The following NLGN1 variants were observed in gnomAD, a reference collection of about 807,000 sequenced individuals.
NLGN1 encodes neuroligin 1, also known as neuroligin-1.
NLGN1 carries 12 observed loss-of-function variants against 65.5 expected under a neutral mutation model. The observed-to-expected ratio is 0.18, with a 90% CI of 0.12 to 0.30. NLGN1 has a LOEUF of 0.30. Ranked by LOEUF, NLGN1 falls within the 10% of genes least tolerant of loss-of-function variation. The pLI, the probability that NLGN1 is intolerant of heterozygous loss-of-function variation, is 1.00. For missense variants in NLGN1, 750 were observed against 1,007.1 expected (o/e 0.74, Z 3.46); for synonymous variants, 350 against 359.5 (o/e 0.97, Z 0.30).
intron 4 of NLGN1, among the ~76,000 whole-genome samples, chr3:174,236,205 T>A (rs1741673208): frequency 1.3e-5 from 2 of 152,138 alleles, no homozygotes; most frequent in Admixed American, 1.3e-4. Context: ...AAGAACTGTG[T>A]TCTCTATAGG....
Position 173,715,012 on chromosome 3 carries a change from C to T in NLGN1, c.494-92668C>T, listed in dbSNP as rs140976080. ...GAGCAGATGGAAGGAGGCAAAGTTT[C>T]CAGGAAGGCAACCGCTTTGGAGGTA... On this transcript the variant is annotated intron_variant, in intron 3 of 6. Transcript: ENST00000457714. Among the ~76,000 whole-genome samples, 517 of 152,128 alleles carry T rather than the reference C, an allele frequency of 3.4e-3. 1 individual carries two copies. The highest frequency in any genetic ancestry group is 6.8e-3 in the Middle Eastern group (2 of 294).
At chr3:173,850,573 C>G (rs1333703171) in intron 4 of NLGN1, among the ~76,000 whole-genome samples, 1 of 152,122 alleles carries the variant, frequency 6.6e-6, no homozygotes, top group Admixed American at 6.6e-5. Flanking sequence ...GAGAGACATT[C>G]ATTCCAAGTG....
At chr3:173,994,465 C>CAAAAAAAA (rs1170577220) in intron 4 of NLGN1, among the ~76,000 whole-genome samples, 16 of 32,902 alleles carry the variant, frequency 4.9e-4, no homozygotes, top group Non-Finnish European at 6.0e-4. Context: ...TTGAGAAAAG[C>CAAAAAAAA]AAAAAAAAAA....
chr3:174,265,246 A>G (rs1412318415), intron 4 of NLGN1, among the ~76,000 whole-genome samples: 1 of 151,658 alleles, frequency 6.6e-6, no homozygotes, highest in Non-Finnish European at 1.5e-5. Context: ...TACCTAAGCA[A>G]GCCTGGGCAA....
At chr3:174,172,808 G>A (rs1263756938) in intron 4 of NLGN1, among the ~76,000 whole-genome samples, 1 of 151,942 alleles carries the variant, frequency 6.6e-6, no homozygotes, top group Non-Finnish European at 1.5e-5. Flanking sequence ...TGGGTCTTTT[G>A]AGACTCCATA....
At chr3:173,936,954 A>G (rs928520880) in intron 4 of NLGN1, among the ~76,000 whole-genome samples, 5 of 152,132 alleles carry the variant, frequency 3.3e-5, no homozygotes, top group African/African-American at 7.2e-5. Flanking sequence ...TAACTAAAGT[A>G]GCATGTAAAA....
At position 173,666,635 on chromosome 3, in the gene NLGN1, T is replaced by C. The variant is rs1761737597; in HGVS notation, c.493+61544T>C. 2.6e-5 allele frequency among the ~76,000 whole-genome samples: 4 copies of C among 152,296 alleles called. No individual in the cohort carries two copies. In the South Asian group the frequency reaches 8.3e-4, roughly 32 times the overall value. ...GGACTCTCTTGGTGATGCTCCTTCT[T>C]TGAAGATGATCCCAGTTATTTTTGG... is the stretch of plus-strand genomic sequence containing the variant. On this transcript the variant is annotated intron_variant, in intron 3 of 6. Transcript: ENST00000457714.
intron 4 of NLGN1, among the ~76,000 whole-genome samples, chr3:173,825,434 A>AT (rs1162222926): frequency 2.6e-5 from 4 of 152,020 alleles, no homozygotes; most frequent in African/African-American, 7.2e-5. Flanking sequence ...ATTGATTTTG[A>AT]TTTTTATATC....
intron 3 of NLGN1, among the ~76,000 whole-genome samples, chr3:173,675,887 T>TCTCTCA (rs756157881): frequency 1.5e-3 from 209 of 138,632 alleles, no homozygotes; most frequent in Non-Finnish European, 2.2e-3. Flanking sequence ...TCTCTCTCTC[T>TCTCTCA]CACACACACA....
intron 4 of NLGN1, among the ~76,000 whole-genome samples, chr3:173,978,986 C>T (rs1718170447): frequency 6.6e-6 from 1 of 150,802 alleles, no homozygotes; most frequent in Admixed American, 6.6e-5. Context: ...GCCTGGATGA[C>T]AGAGTAAGAT....
At chr3:173,924,299 GACCT>G (rs1742604820) in intron 4 of NLGN1, among the ~76,000 whole-genome samples, 1 of 151,862 alleles carries the variant, frequency 6.6e-6, no homozygotes, top group Non-Finnish European at 1.5e-5. Flanking sequence ...AAAATTTTAA[GACCT>G]GATAAAGGTC....
chr3:173,624,996 A>G (rs551216630), intron 3 of NLGN1, among the ~76,000 whole-genome samples: 1 of 152,214 alleles, frequency 6.6e-6, no homozygotes, highest in South Asian at 2.1e-4. Flanking sequence ...GGTCAGACAG[A>G]TGTGGAGAAT....
At chr3:173,835,641 C>T (rs1723502040) in intron 4 of NLGN1, among the ~76,000 whole-genome samples, 2 of 150,358 alleles carry the variant, frequency 1.3e-5, no homozygotes, top group South Asian at 4.2e-4. Context: ...TTGTTTATCT[C>T]CAAGAAGATT....
chr3:173,683,634 G>A (rs930031341), intron 3 of NLGN1, among the ~76,000 whole-genome samples: 4 of 152,206 alleles, frequency 2.6e-5, no homozygotes, highest in Non-Finnish European at 5.9e-5. Flanking sequence ...AGCATTTACT[G>A]TGAGAAAATT....
intron 4 of NLGN1, among the ~76,000 whole-genome samples, chr3:173,860,846 G>A (rs552437896): frequency 6.6e-6 from 1 of 152,078 alleles, no homozygotes; most frequent in African/African-American, 2.4e-5. Flanking sequence ...ATGAAGGGGG[G>A]GTTACCTGCT....
intron 1 of NLGN1, among the ~76,000 whole-genome samples, chr3:173,413,436 C>T (rs1272904057): frequency 6.6e-6 from 1 of 151,864 alleles, no homozygotes; most frequent in East Asian, 1.9e-4. Context: ...CCCATCTCTA[C>T]TAAAAATACA....
chr3:173,507,669 C>T (rs1732250923), intron 2 of NLGN1, among the ~76,000 whole-genome samples: 1 of 148,642 alleles, frequency 6.7e-6, no homozygotes, highest in Admixed American at 6.6e-5. Flanking sequence ...TCCTTACTTT[C>T]CCAAATAGTG....
chr3:173,938,410 T>C (rs1560677635), intron 4 of NLGN1, among the ~76,000 whole-genome samples: 1 of 152,158 alleles, frequency 6.6e-6, no homozygotes, highest in African/African-American at 2.4e-5. Context: ...GGAAACATAG[T>C]CTTGGTGGCT....
intron 2 of NLGN1, among the ~76,000 whole-genome samples, chr3:173,599,773 T>C (rs112467720): frequency 5.3e-5 from 8 of 152,278 alleles, no homozygotes; most frequent in African/African-American, 1.7e-4. Flanking sequence ...CAAACTTGTC[T>C]GTTCACTAAA....
Sources: allele counts gnomAD v4.1 joint callset (sites outside exome capture counted in the v4.1 genomes callset), GRCh38; gene constraint gnomAD v4.1.1; transcripts MANE v1.5; gene names NCBI Gene and HGNC (gene_info 2026-07-23, HGNC 2026-07-21).